The following OXA1L variants were observed in gnomAD, a reference collection of about 807,000 sequenced individuals.
OXA1L encodes the protein OXA1L mitochondrial inner membrane insertase, also known as mitochondrial inner membrane protein OXA1L.
OXA1L carries 42 observed loss-of-function variants against 52.2 expected under a neutral mutation model. That is an observed-to-expected ratio of 0.80 (90% CI 0.63 to 1.04). The LOEUF (loss-of-function observed/expected upper bound fraction) is 1.04. Among genes scored for constraint, OXA1L ranks in the 50% least tolerant of loss-of-function variants. OXA1L has a pLI of 0.00. For missense variants in OXA1L, 572 were observed against 555.0 expected (o/e 1.03, Z -0.31); for synonymous variants, 239 against 201.9 (o/e 1.18, Z -1.56).
Position 22,771,468 on chromosome 14 carries a change from C to T in OXA1L, c.1218C>T (p.Leu406=). 1 of 1,614,084 alleles carries T rather than the reference C, an allele frequency of 6.2e-7. No homozygotes were observed. The highest frequency in any genetic ancestry group is 8.5e-7 in the Non-Finnish European group (1 of 1,180,006). The change falls in exon 10 of 10, where the codon CTC becomes CTT. Residue 406 remains leucine (L), a synonymous_variant. Coordinates refer to ENST00000612549, the MANE Select transcript of OXA1L (RefSeq NM_005015.5). Reference sequence around the variant, plus strand: ...GACAGACCTTTACCCACAACCCTCTCCTACAACCTGGAAAGGATAACCCTC... The same window carrying T: ...GACAGACCTTTACCCACAACCCTCTTCTACAACCTGGAAAGGATAACCCTC... ...PLRQTFTHNP[L]LQPGKDNPPN...
chr14:22,766,850 C>T (rs1219240685), intron 1 of OXA1L, 86 bp downstream of exon 1: 28 of 1,581,286 alleles, frequency 1.8e-5, no homozygotes, highest in Non-Finnish European at 1.5e-5. Flanking sequence ...GGGGTATCAG[C>T]AGACGCTGAC....
intron 2 of OXA1L, chr14:22,767,716 G>A (rs1261326911): frequency 1.4e-5 from 7 of 498,868 alleles, no homozygotes; most frequent in Non-Finnish European, 2.1e-5. Flanking sequence ...GGAAAACAGT[G>A]ATAAAAGAAA....
chr14:22,771,434 G>A lies in OXA1L; in HGVS notation c.1184G>A (p.Gly395Asp), dbSNP rs145727403. The change falls in exon 10 of 10, where the codon GGT becomes GAT. Residue 395 changes from glycine to aspartate, a missense_variant and splice_region_variant. This residue lies in a region of OXA1L where 244 missense variants were observed against 240.2 expected (regional missense o/e 1.02). Coordinates refer to ENST00000612549, the MANE Select transcript of OXA1L (RefSeq NM_005015.5). Reference sequence around the variant, plus strand: ...AATTTGTTTTCTCTTCTCCCCTCAGGTCCTTTACGACAGACCTTTACCCAC... The same window carrying A: ...AATTTGTTTTCTCTTCTCCCCTCAGATCCTTTACGACAGACCTTTACCCAC... Reference protein sequence around the residue: ...MRNQLELAARGPLRQTFTHNP... With the variant: ...MRNQLELAARDPLRQTFTHNP... 3.7e-6 allele frequency: 6 copies of A among 1,613,888 alleles called. No homozygotes were observed. The African/African-American group carries it at 8.0e-5, about 22-fold the overall frequency.
intron 2 of OXA1L, 66 bp from the exon 3 acceptor site, chr14:22,767,892 A>G: frequency 3.1e-6 from 4 of 1,281,072 alleles, no homozygotes; most frequent in Non-Finnish European, 4.4e-6. Context: ...TGGTTATTAT[A>G]AAAAGATCTC....
At position 22,772,685 on chromosome 14, in the gene OXA1L, T is replaced by A. The variant is rs967441502; in HGVS notation, c.*1127T>A. On this transcript the variant is annotated 3_prime_UTR_variant, in exon 10 of 10. Transcript: ENST00000612549. ...TTTCAAGAAGTAGATGTGTGCAAAT[T>A]CTTAGTGATAATTAAGAATGAAAGT... The A allele has an allele frequency of 2.0e-5, 3 of 152,440 alleles. No individual in the cohort carries two copies. The highest frequency in any genetic ancestry group is 2.0e-4 in the Admixed American group (3 of 15,304). The allele number at this position is 152,440 out of a possible 1,614,324, so 9.4% of individuals were successfully genotyped here. A position where few individuals can be genotyped will look rare whatever the true frequency, so the allele number is the denominator to read the frequency against.
At position 22,766,717 on chromosome 14, in the gene OXA1L, A is replaced by C. The variant is rs148602805; in HGVS notation, c.16A>C (p.Met6Leu). Reference sequence around the variant, plus strand: ...TCCGGGCAAAATGGCGATGGGACTAATGTGCGGACGCCGGGAGCTTCTGCG... The same window carrying C: ...TCCGGGCAAAATGGCGATGGGACTACTGTGCGGACGCCGGGAGCTTCTGCG... MAMGL[M>L]CGRRELLRLL... is the part of the protein sequence containing the mutation. The change falls in exon 1 of 10, where the codon ATG becomes CTG. Residue 6 changes from methionine (M) to leucine (L), a missense_variant. Around this residue, in one of 5 missense-constraint regions of OXA1L, gnomAD observed 186 missense variants for 151.8 expected, o/e 1.23. Coordinates refer to ENST00000612549, the MANE Select transcript of OXA1L (RefSeq NM_005015.5). 1 of 1,614,268 alleles carries C rather than the reference A, an allele frequency of 6.2e-7. No homozygotes were observed. Among genetic ancestry groups the C allele is most frequent in the South Asian group, 1.1e-5 (1 of 91,086 alleles).
chr14:22,767,182 C>T, intron 1 of OXA1L, 66 bp from the exon 2 acceptor site: 8 of 1,563,740 alleles, frequency 5.1e-6, no homozygotes, highest in Non-Finnish European at 6.9e-6. Context: ...TAATGAATCC[C>T]GTTTGCACCC....
Position 22,771,068 on chromosome 14 carries a change from A to G in OXA1L, c.990A>G (p.Val330=). ...CCAATTTGTTTTCCCTGGTCCAAGT[A>G]TCCTGTCTCCGGATTCCAGCAGTAC... ...LSSNLFSLVQ[V]SCLRIPAVRT... Residue 330 remains valine, a synonymous_variant, in exon 8 of 10, where the codon GTA becomes GTG. Coordinates refer to ENST00000612549, the MANE Select transcript of OXA1L (RefSeq NM_005015.5). 1 of 1,614,132 alleles carries G rather than the reference A, an allele frequency of 6.2e-7. No homozygotes were observed. The highest frequency in any genetic ancestry group is 8.5e-7 in the Non-Finnish European group (1 of 1,180,010).
At position 22,771,429 on chromosome 14, in the gene OXA1L, C is replaced by T. The variant is rs368470025; in HGVS notation, c.1184-5C>T. 6.2e-7 allele frequency: 1 copy of T among 1,614,206 alleles called. No individual in the cohort carries two copies. The highest frequency in any genetic ancestry group is 1.1e-5 in the South Asian group (1 of 91,076). ...GTTGAAATTTGTTTTCTCTTCTCCCCTCAGGTCCTTTACGACAGACCTTTA... is the reference window on the plus strand; with the variant it reads ...GTTGAAATTTGTTTTCTCTTCTCCCTTCAGGTCCTTTACGACAGACCTTTA... On this transcript the variant is annotated splice_polypyrimidine_tract_variant and splice_region_variant and intron_variant, in intron 9 of 9. Transcript: ENST00000612549.
Position 22,772,488 on chromosome 14 carries a change from C to CAAAAAAAAAAAAAAAAAAAAAAAA in OXA1L, c.*938_*961dup. The stretch of plus-strand genomic sequence containing the variant: ...TGGGCAAGAGAGTGAGACTCCTTCT[C>CAAAAAAAAAAAAAAAAAAAAAAAA]AAAAAAAAAAAAAAAAAAAAAAAAA... On this transcript the variant is annotated 3_prime_UTR_variant, in exon 10 of 10. Coordinates refer to ENST00000612549, the MANE Select transcript of OXA1L (RefSeq NM_005015.5). 1 of 76,002 alleles carries CAAAAAAAAAAAAAAAAAAAAAAAA rather than the reference C, an allele frequency of 1.3e-5. No individual in the cohort carries two copies. Among genetic ancestry groups the CAAAAAAAAAAAAAAAAAAAAAAAA allele is most frequent in the African/African-American group, 6.3e-5 (1 of 15,980 alleles). 4.7% of individuals were successfully genotyped at this position (76,002 alleles called of 1,614,324 possible).
chr14:22,770,435 C>T (rs1566434811), intron 5 of OXA1L, 26 bp from the exon 6 acceptor site: 6 of 1,607,618 alleles, frequency 3.7e-6, no homozygotes, highest in African/African-American at 1.3e-5. Context: ...GTAAAGCATG[C>T]TGACACTGTT....
At position 22,771,426 on chromosome 14, in the gene OXA1L, C is replaced by A. The variant is rs777182397; in HGVS notation, c.1184-8C>A. 6.8e-6 allele frequency: 11 copies of A among 1,614,124 alleles called. No individual in the cohort carries two copies. The highest frequency in any genetic ancestry group is 8.5e-6 in the Non-Finnish European group (10 of 1,179,998). On this transcript the variant is annotated splice_polypyrimidine_tract_variant and splice_region_variant and intron_variant, in intron 9 of 9. Coordinates refer to ENST00000612549, the MANE Select transcript of OXA1L (RefSeq NM_005015.5). The stretch of plus-strand genomic sequence containing the variant: ...TTCGTTGAAATTTGTTTTCTCTTCT[C>A]CCCTCAGGTCCTTTACGACAGACCT...
intron 3 of OXA1L, chr14:22,769,007 C>T (rs2038434322): frequency 6.6e-6 from 1 of 152,140 alleles, no homozygotes. Flanking sequence ...ACTGCAACCT[C>T]CACCTCCCAG....
rs116162959 is a variant in OXA1L, at chr14:22,766,719, G to A, written c.18G>A (p.Met6Ile). The A allele has an allele frequency of 6.2e-6, 10 of 1,614,282 alleles. 1 individual carries two copies. Among genetic ancestry groups the A allele is most frequent in the African/African-American group, 4.0e-5 (3 of 75,082 alleles). MAMGL[M>I]CGRRELLRLL... ...CGGGCAAAATGGCGATGGGACTAAT[G>A]TGCGGACGCCGGGAGCTTCTGCGCT... Residue 6 changes from methionine (M) to isoleucine (I), a missense_variant, in exon 1 of 10, where the codon ATG becomes ATA. This residue lies in a region of OXA1L where 186 missense variants were observed against 151.8 expected (regional missense o/e 1.23). Transcript: ENST00000612549.
chr14:22,767,754 G>A (rs919979219), intron 2 of OXA1L: 5 of 520,968 alleles, frequency 9.6e-6, no homozygotes, highest in African/African-American at 5.7e-5. Context: ...GGGAAGTCAT[G>A]GATTCTTACT....
In OXA1L at chr14:22,770,199, A is replaced by G; in HGVS notation, c.590A>G (p.Lys197Arg). 1 of 1,607,526 alleles carries G rather than the reference A, an allele frequency of 6.2e-7. No homozygotes were observed. The highest frequency in any genetic ancestry group is 1.1e-5 in the South Asian group (1 of 90,912). Residue 197 changes from lysine to arginine, a missense_variant, in exon 5 of 10, where the codon AAG (lysine) becomes AGG (arginine). Coordinates refer to ENST00000612549, the MANE Select transcript of OXA1L (RefSeq NM_005015.5). ...ATTTCCCCTCACCTCACAGATTACAAGGCTTCCTCGGAGATGGCACTTTAC... is the reference window on the plus strand; with the variant it reads ...ATTTCCCCTCACCTCACAGATTACAGGGCTTCCTCGGAGATGGCACTTTAC... ...KLAGDHIEYY[K>R]ASSEMALYQK... is the part of the protein sequence containing the mutation.
chr14:22,772,511 AAAAAAAAACAG>A lies in OXA1L; in HGVS notation c.*954_*964del, dbSNP rs2038488525. The stretch of plus-strand genomic sequence containing the variant: ...CTCAAAAAAAAAAAAAAAAAAAAAA[AAAAAAAAACAG>A]TTTAAACTTCCAACCCATGCATGTG... On this transcript the variant is annotated 3_prime_UTR_variant, in exon 10 of 10. Coordinates refer to ENST00000612549, the MANE Select transcript of OXA1L (RefSeq NM_005015.5). The A allele has an allele frequency of 9.4e-6, 1 of 106,628 alleles. No individual in the cohort carries two copies. Among genetic ancestry groups the A allele is most frequent in the South Asian group, 3.1e-4 (1 of 3,200 alleles). 6.6% of individuals were successfully genotyped at this position (106,628 alleles called of 1,614,324 possible). A position where few individuals can be genotyped will look rare whatever the true frequency, so the allele number is the denominator to read the frequency against.
At position 22,767,384 on chromosome 14, in the gene OXA1L, C is replaced by G. The variant is rs2139372872; in HGVS notation, c.200C>G (p.Ser67Cys). Reference sequence around the variant, plus strand: ...TCCGGCCCCCGCAGCCTCAGTACCTCTGCTATCTCTTTTGCAGAAGTCCAG... The same window carrying G: ...TCCGGCCCCCGCAGCCTCAGTACCTGTGCTATCTCTTTTGCAGAAGTCCAG... ...AASGPRSLSTSAISFAEVQVQ... is the reference protein window; with the variant it reads ...AASGPRSLSTCAISFAEVQVQ... Residue 67 changes from serine to cysteine, a missense_variant, in exon 2 of 10, where the codon TCT becomes TGT. Around this residue, in one of 5 missense-constraint regions of OXA1L, gnomAD observed 186 missense variants for 151.8 expected, o/e 1.23. Coordinates refer to ENST00000612549, the MANE Select transcript of OXA1L (RefSeq NM_005015.5). 1 of 1,610,760 alleles carries G rather than the reference C, an allele frequency of 6.2e-7. No homozygotes were observed. Among genetic ancestry groups the G allele is most frequent in the East Asian group, 2.2e-5 (1 of 44,832 alleles).
Position 22,767,265 on chromosome 14 carries a change from G to C in OXA1L, c.81G>C (p.Gly27=). ...ACGCTCAGGTCCACAGCGTCGCAGG[G>C]CCCTCGCAATGGCTTGGGAAACCGC... ...QSGRRVHSVA[G]PSQWLGKPLT... Residue 27 remains glycine (G), a synonymous_variant, in exon 2 of 10, where the codon GGG becomes GGC. Coordinates refer to ENST00000612549, the MANE Select transcript of OXA1L (RefSeq NM_005015.5). 5.0e-6 allele frequency: 8 copies of C among 1,611,014 alleles called. No individual in the cohort carries two copies. Among genetic ancestry groups the C allele is most frequent in the Non-Finnish European group, 6.8e-6 (8 of 1,179,010 alleles).
Sources: gnomAD v4.1 joint callset for allele counts on GRCh38, gnomAD v4.1.1 for gene constraint, gnomAD v4.1.1 regional missense constraint, MANE v1.5 for transcripts, NCBI Gene and HGNC (gene_info 2026-07-23, HGNC 2026-07-21) for gene names.